DDAH1: variants seen among roughly 807,000 people sequenced by gnomAD.
DDAH1 encodes the protein N(G),N(G)-dimethylarginine dimethylaminohydrolase 1.
In DDAH1, 19 loss-of-function variants were observed where a neutral mutation model predicts 28.8. That is an observed-to-expected ratio of 0.66 (90% CI 0.46 to 0.97). The LOEUF (loss-of-function observed/expected upper bound fraction) is 0.97. Ranked by LOEUF, DDAH1 falls within the 50% of genes least tolerant of loss-of-function variation. The probability of loss-of-function intolerance (pLI) is 0.00; values close to 1 mark genes in which losing one functional copy is unlikely to be tolerated. For synonymous variants in DDAH1, 153 were observed against 154.4 expected, an observed-to-expected ratio of 0.99 and a Z score of 0.07; for missense variants, 326 against 375.9, an observed-to-expected ratio of 0.87 and a Z score of 1.10.
chr1:85,426,813 G>A (rs1653413563), intron 1 of DDAH1, among the ~76,000 whole-genome samples: 1 of 150,152 alleles, frequency 6.7e-6, no homozygotes, highest in African/African-American at 2.5e-5. Flanking sequence ...TTGGGAGGCT[G>A]AGGCAGGAGC....
intron 1 of DDAH1, among the ~76,000 whole-genome samples, chr1:85,377,509 G>A (rs766540505): frequency 1.3e-5 from 2 of 152,060 alleles, no homozygotes; most frequent in Non-Finnish European, 2.9e-5. Context: ...AAACAAGAGT[G>A]AAGACCATGG....
chr1:85,562,339 A>G (rs1395305717), intron 1 of DDAH1, among the ~76,000 whole-genome samples: 2 of 152,254 alleles, frequency 1.3e-5, no homozygotes, highest in African/African-American at 4.8e-5. Flanking sequence ...CATTTTTAAT[A>G]GTTTACCACA....
upstream of DDAH1, among the ~76,000 whole-genome samples, chr1:85,465,645 AC>A (rs1337504270): frequency 1.3e-5 from 2 of 152,162 alleles, no homozygotes; most frequent in Non-Finnish European, 2.9e-5. Context: ...TTCTGGCCTT[AC>A]CTAAAGTACA....
At chr1:85,332,926 A>G (rs1411631367) in intron 4 of DDAH1, among the ~76,000 whole-genome samples, 7 of 152,056 alleles carry the variant, frequency 4.6e-5, no homozygotes, top group African/African-American at 1.7e-4. Context: ...CACCGCTAAT[A>G]TCAGTGAGTG....
chr1:85,565,610 A>T (rs952341835), intron 1 of DDAH1, among the ~76,000 whole-genome samples: 3 of 152,240 alleles, frequency 2.0e-5, no homozygotes, highest in African/African-American at 4.8e-5. Context: ...TTTTTCAGAT[A>T]TTCAAAAGCT....
chr1:85,561,331 C>T (rs1467412886), intron 1 of DDAH1, among the ~76,000 whole-genome samples: 6 of 152,006 alleles, frequency 3.9e-5, no homozygotes, highest in Admixed American at 3.9e-4. Context: ...ATAAAAATTA[C>T]TATACTATGG....
chr1:85,363,548 G>A (rs1055632538), intron 1 of DDAH1, among the ~76,000 whole-genome samples: 1 of 152,146 alleles, frequency 6.6e-6, no homozygotes, highest in Non-Finnish European at 1.5e-5. Context: ...GTAGTGAGAT[G>A]GTTTCATCTC....
intron 2 of DDAH1, chr1:85,494,543 A>C (rs1330387307): frequency 6.6e-6 from 1 of 152,214 alleles, no homozygotes; most frequent in Non-Finnish European, 1.5e-5. Flanking sequence ...CTGCCTCAGC[A>C]GCTGTCACAT....
At chr1:85,553,329 C>T (rs1658854046) in intron 1 of DDAH1, among the ~76,000 whole-genome samples, 1 of 152,228 alleles carries the variant, frequency 6.6e-6, no homozygotes, top group East Asian at 1.9e-4. Context: ...GTTTATTACA[C>T]AGCAGTAAAT....
At chr1:85,407,939 T>G (rs1652482675) in intron 1 of DDAH1, among the ~76,000 whole-genome samples, 1 of 152,196 alleles carries the variant, frequency 6.6e-6, no homozygotes, top group Non-Finnish European at 1.5e-5. Flanking sequence ...AAGTATTATT[T>G]CTCCTGCTTT....
chr1:85,409,233 A>C (rs977001430), intron 1 of DDAH1, among the ~76,000 whole-genome samples: 3 of 152,154 alleles, frequency 2.0e-5, no homozygotes, highest in Admixed American at 1.3e-4. Flanking sequence ...GGAAGCCAAA[A>C]GATTGGACAC....
chr1:85,367,557 G>A (rs968217642), intron 1 of DDAH1, among the ~76,000 whole-genome samples: 3 of 152,134 alleles, frequency 2.0e-5, no homozygotes, highest in Non-Finnish European at 2.9e-5. Flanking sequence ...TGTGCTAAGT[G>A]ATTTTGCATG....
chr1:85,331,160 T>C (rs963905352), intron 4 of DDAH1, among the ~76,000 whole-genome samples: 1 of 152,222 alleles, frequency 6.6e-6, no homozygotes, highest in African/African-American at 2.4e-5. Flanking sequence ...AACCAGGCAT[T>C]TCCGGCAGTT....
chr1:85,474,109 C>A (rs987223041), intron 2 of DDAH1, among the ~76,000 whole-genome samples: 1 of 152,190 alleles, frequency 6.6e-6, no homozygotes, highest in Admixed American at 6.5e-5. Context: ...CTTTGGCTCA[C>A]GTTCTCCTTT....
chr1:85,408,867 G>A (rs1349379917), intron 1 of DDAH1, among the ~76,000 whole-genome samples: 2 of 152,144 alleles, frequency 1.3e-5, no homozygotes, highest in East Asian at 1.9e-4. Context: ...TGCCAGAAAG[G>A]GGCCTTGTCA....
intron 1 of DDAH1, among the ~76,000 whole-genome samples, chr1:85,561,649 T>A (rs189874958): frequency 4.1e-4 from 62 of 152,282 alleles, no homozygotes; most frequent in Admixed American, 1.5e-3. Context: ...GGGGAGAAAG[T>A]CACATTTAAA....
chr1:85,433,473 C>T (rs896785230), intron 1 of DDAH1, among the ~76,000 whole-genome samples: 3 of 152,136 alleles, frequency 2.0e-5, no homozygotes, highest in African/African-American at 7.2e-5. Context: ...ACAAGCGGCA[C>T]ACAGTCTGGA....
chr1:85,565,598 AG>A (rs1659274590), intron 1 of DDAH1, among the ~76,000 whole-genome samples: 1 of 152,214 alleles, frequency 6.6e-6, no homozygotes. Context: ...AATAAAAAAA[AG>A]TTTTTCAGAT....
intron 4 of DDAH1, among the ~76,000 whole-genome samples, chr1:85,340,258 A>G (rs1459951995): frequency 1.3e-5 from 2 of 152,206 alleles, no homozygotes; most frequent in African/African-American, 4.8e-5. Flanking sequence ...GTACTGCTCT[A>G]TTCCTAAAAT....
Sources: allele counts gnomAD v4.1 joint callset (sites outside exome capture counted in the v4.1 genomes callset), GRCh38; gene constraint gnomAD v4.1.1; transcripts MANE v1.5; gene names NCBI Gene and HGNC (gene_info 2026-07-23, HGNC 2026-07-21).